The following TAF1 variants were observed in gnomAD, a reference collection of about 807,000 sequenced individuals.
The protein encoded by TAF1 is transcription initiation factor TFIID subunit 1.
A neutral mutation model predicts 138.5 loss-of-function variants in TAF1; 2 were observed. The observed-to-expected ratio is 0.01, with a 90% confidence interval of 0.01 to 0.05. The LOEUF (loss-of-function observed/expected upper bound fraction) is 0.05. Ranked by LOEUF, TAF1 falls within the 10% of genes least tolerant of loss-of-function variation. The pLI, the probability that TAF1 is intolerant of heterozygous loss-of-function variation, is 1.00. For synonymous variants in TAF1, 437 were observed against 503.2 expected (o/e 0.87, Z 1.76); for missense variants, 709 against 1,478.0 (o/e 0.48, Z 8.53).
intron 37 of TAF1, among the ~76,000 whole-genome samples, chrX:71,462,155 G>A (rs748590261): frequency 2.7e-5 from 3 of 111,663 alleles, no homozygotes; most frequent in Non-Finnish European, 5.6e-5. Context: ...AGTTCTGGGC[G>A]GTCATTGAAT....
chrX:71,499,728 C>T lies in TAF1; in HGVS notation c.1367-28814C>T, dbSNP rs145856467. Among the ~76,000 whole-genome samples, 550 of 111,485 alleles carry T rather than the reference C, an allele frequency of 4.9e-3. 4 individuals are homozygous for T. Among genetic ancestry groups the T allele is most frequent in the African/African-American group, 0.017 (537 of 30,710 alleles). On this transcript the variant is annotated intron_variant and NMD_transcript_variant, in intron 13 of 14. Coordinates refer to the TAF1 transcript ENST00000373775. ...CTTGCTGACTGGTAGGGAATTTGTCCCTTTCTTCGGCTGTCATTCTATCAT... is the reference window on the plus strand; with the variant it reads ...CTTGCTGACTGGTAGGGAATTTGTCTCTTTCTTCGGCTGTCATTCTATCAT...
rs2034289029 is a variant in TAF1, at chrX:71,387,333, C to T, written c.2299C>T (p.Arg767Trp). 8.3e-7 allele frequency: 1 copy of T among 1,211,824 alleles called. No individual in the cohort carries two copies. ...KMPETDFLIIRTRQGYYIREL... is the reference protein window; with the variant it reads ...KMPETDFLIIWTRQGYYIREL... ...GCCAGAAACTGATTTCTTGATCATT[C>T]GGACAAGACAGGGTTACTATATTCG... The change falls in exon 15 of 38, where the codon CGG becomes TGG. Residue 767 changes from arginine (R) to tryptophan (W), a missense_variant. By Grantham distance (101) the Arg-to-Trp change is moderately radical. Coordinates refer to ENST00000423759, the MANE Select transcript of TAF1 (RefSeq NM_004606.5).
At chrX:71,426,415 A>G (rs777250682) in intron 32 of TAF1, among the ~76,000 whole-genome samples, 4 of 108,460 alleles carry the variant, frequency 3.7e-5, no homozygotes, top group Admixed American at 2.0e-4. Context: ...CTGAAATTGC[A>G]TGATAGGTTT....
chrX:71,501,294 C>A (rs984157854), intron 13 of TAF1, among the ~76,000 whole-genome samples: 1 of 110,952 alleles, frequency 9.0e-6, no homozygotes, highest in South Asian at 3.8e-4. Flanking sequence ...AGTGTCCCCC[C>A]ACTGACAGGG....
At chrX:71,426,085 C>T (rs1569334902) in intron 32 of TAF1, among the ~76,000 whole-genome samples, 2 of 107,585 alleles carry the variant, frequency 1.9e-5, no homozygotes, top group East Asian at 3.0e-4. Flanking sequence ...CATAGTGAGA[C>T]CCCATCTCAG....
rs28382179 is a variant in TAF1 at position 71,392,049 on chromosome X, C to CA, written c.2782-517dup. 3.4e-3 allele frequency among the ~76,000 whole-genome samples: 378 copies of CA among 111,509 alleles called. 1 individual carries two copies. The highest frequency in any genetic ancestry group is 0.01 in the South Asian group (27 of 2,658). On this transcript the variant is annotated intron_variant, in intron 18 of 37. Coordinates refer to ENST00000423759, the MANE Select transcript of TAF1 (RefSeq NM_004606.5). ...CCAGGAGAGGACAGACCTTTTTGAC[C>CA]AAACCAGTGGCAGAAATAGAATGGA...
intron 22 of TAF1, 99 bp downstream of exon 22, chrX:71,394,344 G>T: frequency 1.0e-6 from 1 of 961,614 alleles, no homozygotes; most frequent in Non-Finnish European, 1.4e-6. Context: ...GGAGGCAGAA[G>T]ATGTAAGGGA....
chrX:71,503,340 A>G (rs1356883481), intron 13 of TAF1, among the ~76,000 whole-genome samples: 5 of 99,328 alleles, frequency 5.0e-5, no homozygotes, highest in African/African-American at 7.5e-5. Flanking sequence ...ATATATATAT[A>G]TATGTGTATA....
chrX:71,495,962 A>T (rs1602847030), intron 13 of TAF1, among the ~76,000 whole-genome samples: 1 of 112,374 alleles, frequency 8.9e-6, no homozygotes, highest in Non-Finnish European at 1.9e-5. Context: ...TTTCTTTGCT[A>T]TTAATAAAAC....
intron 18 of TAF1, among the ~76,000 whole-genome samples, chrX:71,390,568 G>C (rs1186181272): frequency 9.0e-6 from 1 of 111,234 alleles, no homozygotes; most frequent in Non-Finnish European, 1.9e-5. Context: ...TACCCAGGCT[G>C]TACCGTGGTG....
At chrX:71,476,413 A>T (rs1352009079) in intron 13 of TAF1, among the ~76,000 whole-genome samples, 1 of 110,149 alleles carries the variant, frequency 9.1e-6, no homozygotes, top group African/African-American at 3.3e-5. Flanking sequence ...AGGTGGGAGG[A>T]TTGCTTGAGT....
In TAF1 at chrX:71,381,819, A is replaced by G; in HGVS notation, c.1437A>G (p.Gly479=). The change falls in exon 9 of 38, where the codon GGA becomes GGG. Residue 479 remains glycine, a synonymous_variant. Transcript: ENST00000423759. The part of the protein sequence containing the change: ...FPIDNEDLVY[G]RWEDNIIWDA... ...TTGACAATGAGGATCTGGTATATGG[A>G]CGCTGGGAGGACAATATCATTTGGG... 8.3e-7 allele frequency: 1 copy of G among 1,205,099 alleles called. No individual in the cohort carries two copies. The highest frequency in any genetic ancestry group is 1.1e-6 in the Non-Finnish European group (1 of 891,995).
intron 13 of TAF1, among the ~76,000 whole-genome samples, chrX:71,506,774 A>C (rs1476720464): frequency 8.9e-6 from 1 of 112,055 alleles, no homozygotes; most frequent in Admixed American, 9.5e-5. Context: ...ATTGAAAACA[A>C]GTATTCAAAT....
intron 25 of TAF1, among the ~76,000 whole-genome samples, chrX:71,403,011 T>A (rs954214807): frequency 1.8e-5 from 2 of 110,501 alleles, no homozygotes; most frequent in African/African-American, 3.3e-5. Flanking sequence ...TTCCCTACCT[T>A]TTATGTTTTC....
At chrX:71,471,994 G>A (rs777915131) in intron 13 of TAF1, among the ~76,000 whole-genome samples, 1 of 112,062 alleles carries the variant, frequency 8.9e-6, no homozygotes, top group Non-Finnish European at 1.9e-5. Flanking sequence ...ATAGCCTCTG[G>A]TCCTTTTGTT....
chrX:71,457,102 C>T (rs1371104415), intron 34 of TAF1, among the ~76,000 whole-genome samples: 1 of 112,115 alleles, frequency 8.9e-6, no homozygotes, highest in Non-Finnish European at 1.9e-5. Flanking sequence ...ATTTCATCCC[C>T]TTATTTTTCC....
At chrX:71,405,215 T>TC (rs1256136680) in intron 25 of TAF1, among the ~76,000 whole-genome samples, 2 of 111,467 alleles carry the variant, frequency 1.8e-5, no homozygotes, top group Admixed American at 9.6e-5. Flanking sequence ...TGCCTCGGCC[T>TC]CCCAAAGTGC....
chrX:71,385,076 GT>G, intron 14 of TAF1, 27 bp downstream of exon 14: 1 of 1,095,626 alleles, frequency 9.1e-7, no homozygotes, highest in Non-Finnish European at 1.3e-6. Context: ...TGTTTTTACT[GT>G]TAACTAAGGA....
chrX:71,422,996 C>G (rs1211202709), intron 29 of TAF1, 121 bp from the exon 30 acceptor site: 2 of 954,890 alleles, frequency 2.1e-6, no homozygotes, highest in Non-Finnish European at 2.9e-6. Flanking sequence ...CCCGCCTCAG[C>G]CTCCCAAAGT....
Sources: gnomAD v4.1 joint callset for allele counts (sites outside exome capture counted in the v4.1 genomes callset) on GRCh38, gnomAD v4.1.1 for gene constraint, MANE v1.5 for transcripts, NCBI Gene and HGNC (gene_info 2026-07-23, HGNC 2026-07-21) for gene names.